The following PRKCSH variants were observed in gnomAD, a reference collection of about 807,000 sequenced individuals.
PRKCSH encodes glucosidase 2 subunit beta.
PRKCSH carries 42 observed loss-of-function variants against 79.7 expected under a neutral mutation model. The observed-to-expected ratio is 0.53, with a 90% CI of 0.41 to 0.68. The LOEUF (loss-of-function observed/expected upper bound fraction) is 0.68, where lower values mean the gene tolerates loss of function less well. Ranked by LOEUF, PRKCSH falls within the 30% of genes least tolerant of loss-of-function variation. PRKCSH has a pLI of 0.00. For missense variants in PRKCSH, 686 were observed against 709.0 expected (o/e 0.97, Z 0.37); for synonymous variants, 325 against 288.2 (o/e 1.13, Z -1.29).
chr19:11,447,360 C>T lies in PRKCSH; in HGVS notation c.850-79C>T. ...AGGAGGGGCAGAGACACCGAGGCTG[C>T]CCCTTGGGCTGTGGTGTGAGCCTGA... On this transcript the variant is annotated intron_variant, in intron 10 of 17. Coordinates refer to ENST00000677123, the MANE Select transcript of PRKCSH (RefSeq NM_001289104.2). This position sits in a 1 kb window ranked among gnomAD's most constrained non-coding sequence, Gnocchi z 5.6. 6.7e-7 allele frequency: 1 copy of T among 1,501,206 alleles called. No homozygotes were observed. The highest frequency in any genetic ancestry group is 9.2e-7 in the Non-Finnish European group (1 of 1,089,246). 93.0% of individuals were successfully genotyped at this position (1,501,206 alleles called of 1,614,324 possible).
At chr19:11,436,564 CCTGT>C in intron 3 of PRKCSH, 59 bp downstream of exon 3, 1 of 1,362,440 alleles carries the variant, frequency 7.3e-7, no homozygotes, top group Non-Finnish European at 1.0e-6. Flanking sequence ...AGTGCCAGGC[CCTGT>C]CTGTGTGACC....
Position 11,445,411 on chromosome 19 carries a change from C to T in PRKCSH, c.621C>T (p.Ala207=), listed in dbSNP as rs1568366851. Residue 207 remains alanine, a synonymous_variant, in exon 8 of 18, where the codon GCC becomes GCT. Transcript: ENST00000677123. ...LWEEQLAAAK[A]QQEQELAADA... ...CAGAGCAGCTGGCTGCTGCCAAGGC[C>T]CAACAGGAGCAGGAGCTGGCGGCTG... is the stretch of plus-strand genomic sequence containing the variant. The T allele has an allele frequency of 6.2e-7, 1 of 1,613,976 alleles. No homozygotes were observed. Among genetic ancestry groups the T allele is most frequent in the Non-Finnish European group, 8.5e-7 (1 of 1,180,028 alleles).
rs537731404 is a variant in PRKCSH at position 11,442,762 on chromosome 19, C to T, written c.598+247C>T. On this transcript the variant is annotated intron_variant, in intron 7 of 17. Coordinates refer to ENST00000677123, the MANE Select transcript of PRKCSH (RefSeq NM_001289104.2). ...TGCCACCCGGGCTGGAGTACAGTGGCGTGATCTCAGCTCACTGCAACCTCT... is the reference window on the plus strand; with the variant it reads ...TGCCACCCGGGCTGGAGTACAGTGGTGTGATCTCAGCTCACTGCAACCTCT... 6.6e-5 allele frequency among the ~76,000 whole-genome samples: 10 copies of T among 152,262 alleles called. No homozygotes were observed. In the South Asian group the frequency reaches 2.1e-3, roughly 32 times the overall value.
In PRKCSH at chr19:11,449,467, A is replaced by G; in HGVS notation, c.*16+39A>G. On this transcript the variant is annotated intron_variant, in intron 17 of 17. Coordinates refer to ENST00000677123, the MANE Select transcript of PRKCSH (RefSeq NM_001289104.2). The surrounding 1 kb of genome is among the most constrained non-coding windows in gnomAD (Gnocchi z 6.4). ...TGGAGTCTCGTCGGCCTGCCCCAGC[A>G]AGGGGAGGCGGCGGGCCCTGAGGAA... 2 of 1,611,546 alleles carry G rather than the reference A, an allele frequency of 1.2e-6. No homozygotes were observed. The highest frequency in any genetic ancestry group is 1.7e-6 in the Non-Finnish European group (2 of 1,179,198).
intron 1 of PRKCSH, 119 bp from the exon 2 acceptor site, chr19:11,435,922 C>T (rs1482809756): frequency 6.5e-6 from 6 of 917,348 alleles, no homozygotes; most frequent in African/African-American, 3.3e-5. Context: ...GGGGAGATCG[C>T]TGCCCCTCGC....
chr19:11,441,150 G>T (rs200924576), intron 5 of PRKCSH, 90 bp from the exon 6 acceptor site: 9 of 1,290,146 alleles, frequency 7.0e-6, no homozygotes, highest in Non-Finnish European at 1.0e-5. Context: ...TTGGTGGGGG[G>T]CCACAGCTGG....
At position 11,436,064 on chromosome 19, in the gene PRKCSH, C is replaced by T. The variant is rs111607330; in HGVS notation, c.-54C>T. 6.3e-7 allele frequency: 1 copy of T among 1,596,620 alleles called. No homozygotes were observed. The highest frequency in any genetic ancestry group is 1.7e-5 in the Admixed American group (1 of 60,010). On this transcript the variant is annotated 5_prime_UTR_variant, in exon 2 of 18. Transcript: ENST00000677123. ...AGCGTGAAGACACAGCGCATCTCCC[C>T]GCTGTAGGCTTCCTCCCACAGAACC...
chr19:11,437,552 CG>C (rs373376133), intron 3 of PRKCSH, among the ~76,000 whole-genome samples: 1 of 150,092 alleles, frequency 6.7e-6, no homozygotes, highest in African/African-American at 2.5e-5. Flanking sequence ...GGAGTTTCAT[CG>C]TGTTGGCCAG....
chr19:11,446,982 C>A (rs1445268122), intron 9 of PRKCSH, 92 bp from the exon 10 acceptor site: 1 of 1,380,498 alleles, frequency 7.2e-7, no homozygotes, highest in East Asian at 2.3e-5. Flanking sequence ...GCCCAGCCCT[C>A]CCGTGCCTGG....
At chr19:11,439,052 C>T (rs369424014) in intron 5 of PRKCSH, among the ~76,000 whole-genome samples, 5 of 152,004 alleles carry the variant, frequency 3.3e-5, no homozygotes, top group Admixed American at 6.6e-5. Flanking sequence ...GGAATACAGG[C>T]GTACCCCCAC....
chr19:11,446,846 T>C (rs1005844127), intron 9 of PRKCSH, among the ~76,000 whole-genome samples: 3 of 151,138 alleles, frequency 2.0e-5, no homozygotes, highest in Non-Finnish European at 4.4e-5. Flanking sequence ...GCTTCTCTCT[T>C]TCTGTCTCAG....
At chr19:11,446,926 G>T (rs575885562) in intron 9 of PRKCSH, 148 bp from the exon 10 acceptor site, 3 of 793,742 alleles carry the variant, frequency 3.8e-6, no homozygotes, top group East Asian at 5.3e-5. Flanking sequence ...CCTCCTGGCC[G>T]CAGTGCCTCA....
chr19:11,448,409 G>A lies in PRKCSH; in HGVS notation c.1196+118G>A, dbSNP rs1353059833. The A allele has an allele frequency of 4.8e-6, 7 of 1,467,108 alleles. No individual in the cohort carries two copies. The highest frequency in any genetic ancestry group is 5.7e-6 in the Non-Finnish European group (6 of 1,061,606). The allele number at this position is 1,467,108 out of a possible 1,614,324, so 90.9% of individuals were successfully genotyped here. ...ACAGGCTGGGCCTGGTCCCTGCAGGGAGGGTCCCTGGGAGGTGGCAGGGAG... is the reference window on the plus strand; with the variant it reads ...ACAGGCTGGGCCTGGTCCCTGCAGGAAGGGTCCCTGGGAGGTGGCAGGGAG... On this transcript the variant is annotated intron_variant, in intron 13 of 17. Transcript: ENST00000677123. The surrounding 1 kb of genome is among the most constrained non-coding windows in gnomAD (Gnocchi z 4.4).
chr19:11,448,145 G>A lies in PRKCSH; in HGVS notation c.1127-77G>A. 1.4e-6 allele frequency: 2 copies of A among 1,429,734 alleles called. No homozygotes were observed. Among genetic ancestry groups the A allele is most frequent in the Non-Finnish European group, 1.9e-6 (2 of 1,037,244 alleles). 88.6% of individuals were successfully genotyped at this position (1,429,734 alleles called of 1,614,324 possible). ...CAAAATGAGGGTATGGGAGCACACA[G>A]CCACATCCATGGAACCCCGTTCCCC... On this transcript the variant is annotated intron_variant, in intron 12 of 17. Coordinates refer to ENST00000677123, the MANE Select transcript of PRKCSH (RefSeq NM_001289104.2). This position sits in a 1 kb window ranked among gnomAD's most constrained non-coding sequence, Gnocchi z 4.4.
chr19:11,447,753 C>G lies in PRKCSH; in HGVS notation c.1090C>G (p.Pro364Ala), dbSNP rs762497438. The change falls in exon 12 of 18, where the codon CCG (proline) becomes GCG (alanine). Residue 364 changes from proline (P) to alanine (A), a missense_variant. By Grantham distance (27) the Pro-to-Ala change is conservative. This residue lies in a region of PRKCSH where 549 missense variants were observed against 520.2 expected (regional missense o/e 1.06). Transcript: ENST00000677123. This position sits in a 1 kb window ranked among gnomAD's most constrained non-coding sequence, Gnocchi z 5.6. ...PASPAEEDKM[P>A]PYDEQTQAFI... ...CAGCCCTGCTGAGGAAGACAAAATG[C>G]CGCCCTACGACGAGCAGACGCAGGC... The G allele has an allele frequency of 6.3e-6, 10 of 1,594,454 alleles. No individual in the cohort carries two copies. The South Asian group carries it at 9.1e-5, about 14-fold the overall frequency.
Position 11,438,129 on chromosome 19 carries a change from G to A in PRKCSH, c.350+5G>A, listed in dbSNP as rs776154355. The stretch of plus-strand genomic sequence containing the variant: ...CATCTGTGAGAACACCTGCAAGTAC[G>A]TGGGTGACAGTACCCCTCCCATCAC... On this transcript the variant is annotated splice_donor_5th_base_variant and intron_variant, in intron 5 of 17. Transcript: ENST00000677123. The A allele has an allele frequency of 7.4e-6, 12 of 1,613,830 alleles. No individual in the cohort carries two copies. The highest frequency in any genetic ancestry group is 3.3e-5 in the Admixed American group (2 of 59,962).
In PRKCSH at chr19:11,436,438, G is replaced by C. The variant is rs763954335; in HGVS notation, c.129G>C (p.Ser43=). ...AGCCTTTCACCTGCCTGGACGGTTC[G>C]GCCACCATCCCATTTGATCAGGTCA... ...ESKPFTCLDG[S]ATIPFDQVND... The change falls in exon 3 of 18, where the codon TCG becomes TCC. Residue 43 remains serine, a synonymous_variant. Transcript: ENST00000677123. 2 of 1,614,122 alleles carry C rather than the reference G, an allele frequency of 1.2e-6. No homozygotes were observed. Among genetic ancestry groups the C allele is most frequent in the East Asian group, 4.5e-5 (2 of 44,878 alleles).
At chr19:11,440,100 T>C (rs1280678752) in intron 5 of PRKCSH, among the ~76,000 whole-genome samples, 1 of 151,612 alleles carries the variant, frequency 6.6e-6, no homozygotes, top group East Asian at 1.9e-4. Context: ...TGTAAAACTC[T>C]CTGGATTCCA....
intron 5 of PRKCSH, among the ~76,000 whole-genome samples, chr19:11,439,640 A>G (rs1969961067): frequency 8.5e-6 from 1 of 117,710 alleles, no homozygotes; most frequent in Non-Finnish European, 1.6e-5. Flanking sequence ...TTTGTGAGAC[A>G]GAGTCTCACT....
Sources: allele counts gnomAD v4.1 joint callset (sites outside exome capture counted in the v4.1 genomes callset), GRCh38; gene constraint gnomAD v4.1.1; regional missense constraint gnomAD v4.1.1; non-coding constraint Gnocchi (gnomAD v3.1); transcripts MANE v1.5; gene names NCBI Gene and HGNC (gene_info 2026-07-23, HGNC 2026-07-21).